The following CCDC141 variants were observed in gnomAD, a reference collection of about 807,000 sequenced individuals.
CCDC141 encodes the protein coiled-coil domain-containing protein 141.
CCDC141 carries 168 observed loss-of-function variants against 181.0 expected under a neutral mutation model. The ratio of observed to expected loss-of-function variants is 0.93; its 90% CI spans 0.82 to 1.05. The LOEUF is 1.05. Among genes scored for constraint, CCDC141 ranks in the 50% least tolerant of loss-of-function variants. CCDC141 has a pLI of 0.00. For synonymous variants in CCDC141, 666 were observed against 642.3 expected (o/e 1.04, Z -0.56); for missense variants, 1,902 against 1,788.5 (o/e 1.06, Z -1.14).
chr2:178,845,477 A>C (rs1052685785), intron 22 of CCDC141, 149 bp downstream of exon 22: 15 of 596,150 alleles, frequency 2.5e-5, no homozygotes, highest in African/African-American at 2.4e-4. Flanking sequence ...AAAGGAAGCA[A>C]GGGAGGAGGA....
At position 178,913,454 on chromosome 2, in the gene CCDC141, T is replaced by C. The variant is rs553089518; in HGVS notation, c.1092+5259A>G. Among the ~76,000 whole-genome samples, 18 of 150,398 alleles carry C rather than the reference T, an allele frequency of 1.2e-4. No homozygotes were observed. The South Asian group carries it at 4.0e-3, about 33-fold the overall frequency. On this transcript the variant is annotated intron_variant, in intron 7 of 23. Transcript: ENST00000443758. ...TATACAACAACTGGACCATTTTAAT[T>C]ATTTTTTTTTCATCAGCTGGGCCTA...
At chr2:179,015,798 CAT>C (rs1458107651) in intron 2 of CCDC141, among the ~76,000 whole-genome samples, 1 of 137,124 alleles carries the variant, frequency 7.3e-6, no homozygotes, top group Admixed American at 7.6e-5. Flanking sequence ...ATATATATCT[CAT>C]ATATGTATCA....
At chr2:178,886,927 C>T (rs1007888731) in intron 9 of CCDC141, 56 bp from the exon 10 acceptor site, 31 of 1,042,288 alleles carry the variant, frequency 3.0e-5, no homozygotes, top group South Asian at 6.7e-5. Context: ...CATATATGTA[C>T]GCACATGTGT....
At chr2:178,868,343 A>AGT in intron 15 of CCDC141, 138 bp from the exon 16 acceptor site, 2 of 654,934 alleles carry the variant, frequency 3.1e-6, no homozygotes, top group Non-Finnish European at 5.2e-6. Context: ...CATTAGCCAA[A>AGT]TAAATGTTAG....
chr2:178,988,396 C>G (rs1691861726), intron 2 of CCDC141, among the ~76,000 whole-genome samples: 1 of 150,992 alleles, frequency 6.6e-6, no homozygotes, highest in Admixed American at 6.6e-5. Flanking sequence ...GTGCAGCACA[C>G]CAGCATGGCA....
chr2:178,966,747 T>G (rs150408124), intron 4 of CCDC141, among the ~76,000 whole-genome samples: 2 of 151,930 alleles, frequency 1.3e-5, no homozygotes, highest in African/African-American at 4.8e-5. Flanking sequence ...GGACGGAGAA[T>G]GAGTTTGACG....
chr2:179,000,175 G>A (rs974726868), intron 2 of CCDC141, among the ~76,000 whole-genome samples: 16 of 151,754 alleles, frequency 1.1e-4, no homozygotes, highest in African/African-American at 3.9e-4. Flanking sequence ...ATCTGTTTTT[G>A]TATGGCCTGT....
intron 7 of CCDC141, among the ~76,000 whole-genome samples, chr2:178,908,652 G>A (rs1688088205): frequency 2.0e-5 from 3 of 152,170 alleles, no homozygotes; most frequent in African/African-American, 7.2e-5. Flanking sequence ...CTACACTAAA[G>A]GAAGAAATAA....
In CCDC141 at chr2:178,969,087, A is replaced by G. The variant is rs1442291721; in HGVS notation, c.526+5970T>C. 2.1e-5 allele frequency among the ~76,000 whole-genome samples: 3 copies of G among 142,108 alleles called. No individual in the cohort carries two copies. The East Asian group carries it at 6.7e-4, about 32-fold the overall frequency. The allele number at this position is 142,108 out of a possible 152,430, so 93.2% of individuals were successfully genotyped here. A position where few individuals can be genotyped will look rare whatever the true frequency, so the allele number is the denominator to read the frequency against. Reference sequence around the variant, plus strand: ...AACAAGTTCTGAAATTGAGGCAGTAATTAATAGCTTACCAACCAAAAAAAA... The same window carrying G: ...AACAAGTTCTGAAATTGAGGCAGTAGTTAATAGCTTACCAACCAAAAAAAA... On this transcript the variant is annotated intron_variant, in intron 4 of 23. Transcript: ENST00000443758.
At chr2:178,955,699 T>C (rs988228124) in intron 5 of CCDC141, among the ~76,000 whole-genome samples, 1 of 152,238 alleles carries the variant, frequency 6.6e-6, no homozygotes, top group African/African-American at 2.4e-5. Flanking sequence ...TGGATAAAAG[T>C]CTAGAAGGTG....
chr2:178,843,668 T>C (rs893454275), intron 22 of CCDC141, among the ~76,000 whole-genome samples: 1 of 152,212 alleles, frequency 6.6e-6, no homozygotes, highest in Non-Finnish European at 1.5e-5. Context: ...CCAACTCAAA[T>C]AATTTCCTCA....
intron 2 of CCDC141, among the ~76,000 whole-genome samples, chr2:178,980,032 T>A (rs1291403814): frequency 1.3e-5 from 2 of 152,206 alleles, no homozygotes; most frequent in Non-Finnish European, 2.9e-5. Context: ...GGGGATAAAC[T>A]GATTTAATAC....
At chr2:178,841,458 C>A (rs556084902) in intron 22 of CCDC141, among the ~76,000 whole-genome samples, 11 of 152,186 alleles carry the variant, frequency 7.2e-5, no homozygotes, top group African/African-American at 2.6e-4. Flanking sequence ...CTGAGTAAAT[C>A]AATTTGGCTC....
At chr2:178,840,597 C>T (rs1240120970) in intron 22 of CCDC141, among the ~76,000 whole-genome samples, 1 of 152,156 alleles carries the variant, frequency 6.6e-6, no homozygotes, top group Non-Finnish European at 1.5e-5. Context: ...TTCAGGTTGG[C>T]TCTAAGGCAT....
At chr2:178,903,157 T>A (rs1687788795) in intron 8 of CCDC141, among the ~76,000 whole-genome samples, 1 of 147,194 alleles carries the variant, frequency 6.8e-6, no homozygotes, top group Non-Finnish European at 1.5e-5. Flanking sequence ...ACACTGTTCG[T>A]GGGACTGTAA....
At chr2:178,986,695 C>T (rs1261578340) in intron 2 of CCDC141, among the ~76,000 whole-genome samples, 10 of 151,868 alleles carry the variant, frequency 6.6e-5, no homozygotes, top group Non-Finnish European at 1.3e-4. Context: ...AGAGCCAAAT[C>T]ATGAGTGAAC....
intron 6 of CCDC141, among the ~76,000 whole-genome samples, chr2:178,931,408 G>A (rs187643988): frequency 3.3e-5 from 5 of 152,188 alleles, no homozygotes; most frequent in Admixed American, 2.0e-4. Context: ...CTAGAAAAAG[G>A]TGAAAACAAC....
chr2:178,928,107 G>A (rs1198477803), intron 6 of CCDC141, among the ~76,000 whole-genome samples: 1 of 152,164 alleles, frequency 6.6e-6, no homozygotes, highest in Non-Finnish European at 1.5e-5. Flanking sequence ...TTCAGAATTA[G>A]GAAGAAACAG....
At chr2:179,034,647 C>T (rs960384598) in intron 2 of CCDC141, among the ~76,000 whole-genome samples, 9 of 152,082 alleles carry the variant, frequency 5.9e-5, no homozygotes, top group African/African-American at 2.2e-4. Flanking sequence ...GAATGCTTTC[C>T]GGTTTCCAAA....
Sources: allele counts gnomAD v4.1 joint callset (sites outside exome capture counted in the v4.1 genomes callset), GRCh38; gene constraint gnomAD v4.1.1; transcripts MANE v1.5; gene names NCBI Gene and HGNC (gene_info 2026-07-23, HGNC 2026-07-21).